Variants in PPP1R12B observed in about 807,000 individuals in gnomAD.
PPP1R12B encodes protein phosphatase 1 regulatory subunit 12B.
In PPP1R12B, 76 loss-of-function variants were observed where a neutral mutation model predicts 126.1. The ratio of observed to expected loss-of-function variants is 0.60; its 90% confidence interval spans 0.50 to 0.73. PPP1R12B has a LOEUF of 0.73. PPP1R12B is among the 30% of genes least tolerant of loss of function. The pLI is 0.00. For synonymous variants in PPP1R12B, 356 were observed against 434.7 expected (o/e 0.82, Z 2.25); for missense variants, 1,052 against 1,205.1 (o/e 0.87, Z 1.88).
intron 23 of PPP1R12B, chr1:202,574,861 T>C (rs1688943746): frequency 7.3e-6 from 6 of 818,194 alleles, no homozygotes; most frequent in African/African-American, 1.7e-5. Flanking sequence ...ACTCCTGCCT[T>C]TCTCATTTCC....
At chr1:202,349,965 A>G (rs1655644522) in intron 1 of PPP1R12B, among the ~76,000 whole-genome samples, 1 of 152,114 alleles carries the variant, frequency 6.6e-6, no homozygotes, top group South Asian at 2.1e-4. Flanking sequence ...ACTGACTGCC[A>G]TGACTAACTA....
intron 13 of PPP1R12B, among the ~76,000 whole-genome samples, chr1:202,486,197 T>C (rs1035219507): frequency 3.3e-5 from 5 of 151,996 alleles, no homozygotes; most frequent in Admixed American, 6.5e-5. Context: ...TATTTTTAAA[T>C]AAATTAATAA....
At chr1:202,439,770 C>T (rs1671367945) in intron 10 of PPP1R12B, 2 of 500,524 alleles carry the variant, frequency 4.0e-6, no homozygotes, top group South Asian at 4.3e-5. Flanking sequence ...AGGGGGACCT[C>T]ATTCCTTCAG....
chr1:202,573,284 C>G lies in PPP1R12B; in HGVS notation c.2862+4087C>G, dbSNP rs1046743171. 2.6e-5 allele frequency among the ~76,000 whole-genome samples: 4 copies of G among 152,168 alleles called. No homozygotes were observed. The East Asian group carries it at 7.7e-4, about 29-fold the overall frequency. On this transcript the variant is annotated intron_variant, in intron 23 of 23. Transcript: ENST00000608999. ...TTGCCCGGTCCTCACCCTCCAATGG[C>G]TACATGAGACAGTTTGGCTAGCCTA...
At chr1:202,462,939 T>G (rs1674503177) in intron 13 of PPP1R12B, 9 of 985,376 alleles carry the variant, frequency 9.1e-6, no homozygotes, top group Non-Finnish European at 1.1e-5. Context: ...CATTCCTGGT[T>G]TTATGGAAAT....
intron 23 of PPP1R12B, among the ~76,000 whole-genome samples, chr1:202,574,480 G>A (rs1688907255): frequency 6.6e-6 from 1 of 152,180 alleles, no homozygotes; most frequent in Non-Finnish European, 1.5e-5. Flanking sequence ...TCCAGCCAAG[G>A]TGACAGAGTC....
chr1:202,564,666 AATGAGATAGAAGCT>A lies in PPP1R12B; in HGVS notation c.2757+120_2757+133del, dbSNP rs1687893416. On this transcript the variant is annotated intron_variant, in intron 21 of 23. Coordinates refer to ENST00000608999, the MANE Select transcript of PPP1R12B (RefSeq NM_002481.4). ...AGTCAAGATCAGGCCTTCTCGGGGC[AATGAGATAGAAGCT>A]TCTTAGATTCTAATTTATTTTAGGT... is the stretch of plus-strand genomic sequence containing the variant. 11 of 691,712 alleles carry A rather than the reference AATGAGATAGAAGCT, an allele frequency of 1.6e-5. No individual in the cohort carries two copies. In the Admixed American group the frequency reaches 3.2e-4, roughly 20 times the overall value. The allele number at this position is 691,712 out of a possible 1,614,324, so 42.8% of individuals were successfully genotyped here.
At chr1:202,363,667 C>T (rs529379610) in intron 1 of PPP1R12B, among the ~76,000 whole-genome samples, 88 of 152,220 alleles carry the variant, frequency 5.8e-4, no homozygotes, top group African/African-American at 1.8e-3. Context: ...GTCAGATATG[C>T]GTTTGTTTTA....
Position 202,580,621 on chromosome 1 carries a change from T to C in PPP1R12B, c.*61T>C, listed in dbSNP as rs1689496621. 7.2e-7 allele frequency: 1 copy of C among 1,388,586 alleles called. No homozygotes were observed. The highest frequency in any genetic ancestry group is 1.0e-6 in the Non-Finnish European group (1 of 976,370). The allele number at this position is 1,388,586 out of a possible 1,614,324, so 86.0% of individuals were successfully genotyped here. A position where few individuals can be genotyped will look rare whatever the true frequency, so the allele number is the denominator to read the frequency against. Reference sequence around the variant, plus strand: ...GCATTTGCTGCCCCCACCCCTCTTTTCCAGTCCTTGCCTTCCAACCAAAAG... The same window carrying C: ...GCATTTGCTGCCCCCACCCCTCTTTCCCAGTCCTTGCCTTCCAACCAAAAG... On this transcript the variant is annotated 3_prime_UTR_variant, in exon 24 of 24. Transcript: ENST00000608999.
intron 18 of PPP1R12B, among the ~76,000 whole-genome samples, chr1:202,524,123 CAG>C (rs968524079): frequency 2.0e-5 from 3 of 152,158 alleles, no homozygotes; most frequent in South Asian, 2.1e-4. Flanking sequence ...GAAATGATGA[CAG>C]GGGCTTGGAT....
At chr1:202,377,364 G>C (rs1201839993) in intron 1 of PPP1R12B, among the ~76,000 whole-genome samples, 2 of 150,968 alleles carry the variant, frequency 1.3e-5, no homozygotes, top group Admixed American at 1.3e-4. Context: ...GTTCAGTGGC[G>C]TGATCTCGAC....
intron 10 of PPP1R12B, 131 bp from the exon 11 acceptor site, chr1:202,440,575 C>T (rs1671474181): frequency 3.2e-6 from 2 of 622,216 alleles, no homozygotes; most frequent in South Asian, 5.0e-5. Context: ...AAATACCACT[C>T]AAAATAGAAT....
chr1:202,376,012 GTC>G (rs1401006140), intron 1 of PPP1R12B, among the ~76,000 whole-genome samples: 1 of 152,172 alleles, frequency 6.6e-6, no homozygotes, highest in African/African-American at 2.4e-5. Context: ...TATCTATTAA[GTC>G]TTAGGCATTG....
intron 1 of PPP1R12B, among the ~76,000 whole-genome samples, chr1:202,407,104 T>G (rs1666715066): frequency 6.6e-6 from 1 of 152,196 alleles, no homozygotes; most frequent in African/African-American, 2.4e-5. Flanking sequence ...CATGATTTGA[T>G]GATAAGAGAT....
intron 18 of PPP1R12B, among the ~76,000 whole-genome samples, chr1:202,512,490 C>T (rs1572345581): frequency 6.6e-6 from 1 of 152,172 alleles, no homozygotes; most frequent in East Asian, 1.9e-4. Context: ...AGGTTCAAAG[C>T]TTGTTGCATC....
intron 19 of PPP1R12B, among the ~76,000 whole-genome samples, chr1:202,560,382 C>T (rs775078529): frequency 6.6e-6 from 1 of 152,196 alleles, no homozygotes; most frequent in Non-Finnish European, 1.5e-5. Context: ...ATAGCTACTC[C>T]ATAGACAGAG....
intron 12 of PPP1R12B, among the ~76,000 whole-genome samples, chr1:202,444,066 G>A (rs113076624): frequency 6.2e-4 from 94 of 152,204 alleles, no homozygotes; most frequent in African/African-American, 2.1e-3. Context: ...ACCTCTTATG[G>A]TCTTTTTAAA....
intron 10 of PPP1R12B, chr1:202,438,930 C>T (rs1671219170): frequency 7.2e-6 from 11 of 1,528,776 alleles, no homozygotes; most frequent in South Asian, 1.1e-5. Context: ...GAGGTGACCC[C>T]GAAGACGGCC....
intron 1 of PPP1R12B, among the ~76,000 whole-genome samples, chr1:202,356,868 C>T (rs1317025823): frequency 6.7e-6 from 1 of 150,152 alleles, no homozygotes; most frequent in Non-Finnish European, 1.5e-5. Context: ...GACCCCTAGG[C>T]TGGAGTGCAG....
Sources: allele counts gnomAD v4.1 joint callset (sites outside exome capture counted in the v4.1 genomes callset), GRCh38; gene constraint gnomAD v4.1.1; transcripts MANE v1.5; gene names NCBI Gene and HGNC (gene_info 2026-07-23, HGNC 2026-07-21).